Variants in UXS1 observed in about 807,000 individuals in gnomAD.
UXS1 encodes UDP-glucuronate decarboxylase 1, also known as UDP-glucuronic acid decarboxylase 1.
In UXS1, 33 loss-of-function variants were observed where a neutral mutation model predicts 62.6. That is an observed-to-expected ratio of 0.53 (90% confidence interval 0.40 to 0.70). The LOEUF is 0.70. UXS1 is among the 30% of genes least tolerant of loss of function. The pLI is 0.00. For synonymous variants in UXS1, 213 were observed against 206.8 expected (o/e 1.03, Z -0.26); for missense variants, 434 against 556.3 (o/e 0.78, Z 2.21).
At chr2:106,180,035 G>A (rs953933246) in intron 1 of UXS1, among the ~76,000 whole-genome samples, 1 of 151,774 alleles carries the variant, frequency 6.6e-6, no homozygotes, top group African/African-American at 2.4e-5. Context: ...CTTGAACCCA[G>A]GAGGCAGAGA....
chr2:106,173,404 A>G (rs180972591), intron 1 of UXS1, among the ~76,000 whole-genome samples: 8 of 152,256 alleles, frequency 5.3e-5, no homozygotes, highest in African/African-American at 1.9e-4. Context: ...AAATACAAAA[A>G]TTAGCTGGGC....
chr2:106,190,110 C>A (rs905484901), intron 1 of UXS1, among the ~76,000 whole-genome samples: 3 of 152,192 alleles, frequency 2.0e-5, no homozygotes, highest in Non-Finnish European at 4.4e-5. Flanking sequence ...ACGCGACAGA[C>A]AACTGGCAAA....
intron 6 of UXS1, among the ~76,000 whole-genome samples, chr2:106,130,226 T>C (rs1443982298): frequency 6.6e-6 from 1 of 152,062 alleles, no homozygotes; most frequent in Non-Finnish European, 1.5e-5. Context: ...GCATCCTGTA[T>C]ACATAAAACC....
rs201592621 is a variant in UXS1 at position 106,164,769 on chromosome 2, A to G, written c.153T>C (p.Asn51=). The change falls in exon 3 of 15, where the codon AAT becomes AAC. Residue 51 remains asparagine (N), a synonymous_variant. Coordinates refer to ENST00000283148, the MANE Select transcript of UXS1 (RefSeq NM_001253875.2). ...TCTTGCTTTCAATTTTTAGTTCACC[A>G]TTTTCCTGGATAGACCTGTTGAGTA... The part of the protein sequence containing the change: ...SFLLNRSIQE[N]GELKIESKIE... 2.2e-4 allele frequency: 351 copies of G among 1,591,230 alleles called. 1 individual carries two copies. The highest frequency in any genetic ancestry group is 2.8e-4 in the Non-Finnish European group (324 of 1,168,328).
At chr2:106,114,415 G>A (rs775023947) in intron 9 of UXS1, among the ~76,000 whole-genome samples, 1 of 152,206 alleles carries the variant, frequency 6.6e-6, no homozygotes. Context: ...GGGGAGCAGA[G>A]ATGCTGCTCT....
chr2:106,129,657 A>G lies in UXS1; in HGVS notation c.577+17T>C. The G allele has an allele frequency of 1.3e-6, 2 of 1,587,786 alleles. No individual in the cohort carries two copies. The highest frequency in any genetic ancestry group is 1.1e-5 in the South Asian group (1 of 88,376). ...ATTCCCAGCAACAGCCAAAAAAACA[A>G]GAAAATGACAACTTACCCAACATGT... On this transcript the variant is annotated intron_variant, in intron 7 of 14. Transcript: ENST00000283148.
chr2:106,098,898 G>A (rs1262666796), intron 12 of UXS1, 125 bp from the exon 13 acceptor site: 7 of 787,042 alleles, frequency 8.9e-6, no homozygotes, highest in Non-Finnish European at 1.5e-5. Context: ...TGCTTCAGCA[G>A]AGCTCCGTGT....
At chr2:106,094,759 C>A (rs553257528) in intron 14 of UXS1, among the ~76,000 whole-genome samples, 8 of 152,310 alleles carry the variant, frequency 5.3e-5, no homozygotes, top group African/African-American at 1.9e-4. Context: ...AGGAAACCAG[C>A]CAGATCAACT....
intron 5 of UXS1, among the ~76,000 whole-genome samples, chr2:106,151,138 T>G (rs1403482898): frequency 2.0e-5 from 3 of 152,208 alleles, no homozygotes; most frequent in Admixed American, 2.0e-4. Context: ...GAATTTGCCT[T>G]AGGATGAATC....
At chr2:106,113,433 T>A (rs1384959914) in intron 9 of UXS1, among the ~76,000 whole-genome samples, 10 of 152,240 alleles carry the variant, frequency 6.6e-5, no homozygotes, top group Non-Finnish European at 1.5e-4. Context: ...TTTTCACCTC[T>A]ATGTTCATTT....
At chr2:106,127,144 T>C (rs1680025614) in intron 7 of UXS1, among the ~76,000 whole-genome samples, 1 of 152,228 alleles carries the variant, frequency 6.6e-6, no homozygotes, top group South Asian at 2.1e-4. Flanking sequence ...CATTCACCTA[T>C]GATAGGACAT....
chr2:106,175,297 T>C (rs1056247791), intron 1 of UXS1, among the ~76,000 whole-genome samples: 2 of 152,220 alleles, frequency 1.3e-5, no homozygotes, highest in African/African-American at 4.8e-5. Context: ...CTGTTTGCTG[T>C]TCCTCTCAAG....
At chr2:106,098,366 G>A (rs1194109420) in intron 13 of UXS1, among the ~76,000 whole-genome samples, 1 of 152,202 alleles carries the variant, frequency 6.6e-6, no homozygotes, top group East Asian at 1.9e-4. Context: ...GGTGGTTGCT[G>A]TCTCTTGCTG....
At chr2:106,150,783 T>C (rs1410770420) in intron 5 of UXS1, among the ~76,000 whole-genome samples, 1 of 152,122 alleles carries the variant, frequency 6.6e-6, no homozygotes, top group African/African-American at 2.4e-5. Flanking sequence ...TACCAGCATG[T>C]AACACCAGCC....
intron 11 of UXS1, chr2:106,102,763 A>C (rs1677701211): frequency 6.6e-6 from 1 of 152,206 alleles, no homozygotes; most frequent in African/African-American, 2.4e-5. Flanking sequence ...TTCCTAAAAA[A>C]TTGCTTGTGA....
At chr2:106,117,622 G>A (rs1168635670) in intron 9 of UXS1, among the ~76,000 whole-genome samples, 1 of 152,208 alleles carries the variant, frequency 6.6e-6, no homozygotes, top group Admixed American at 6.5e-5. Context: ...CCTGAAGGAG[G>A]TGCCTGGGCA....
At chr2:106,186,426 A>G (rs1684554499) in intron 1 of UXS1, among the ~76,000 whole-genome samples, 1 of 150,868 alleles carries the variant, frequency 6.6e-6, no homozygotes, top group African/African-American at 2.4e-5. Flanking sequence ...ATTTATAGGA[A>G]AACTGCTCTG....
intron 9 of UXS1, among the ~76,000 whole-genome samples, chr2:106,122,209 G>T (rs764475040): frequency 1.4e-4 from 22 of 152,204 alleles, no homozygotes; most frequent in Non-Finnish European, 2.5e-4. Flanking sequence ...CACTATACCA[G>T]AGGGCATTTT....
chr2:106,190,088 T>A (rs188138203), intron 1 of UXS1, among the ~76,000 whole-genome samples: 1 of 152,238 alleles, frequency 6.6e-6, no homozygotes, highest in East Asian at 1.9e-4. Flanking sequence ...CTCATGAACA[T>A]CATGGGGGAA....
Sources: allele counts gnomAD v4.1 joint callset (sites outside exome capture counted in the v4.1 genomes callset), GRCh38; gene constraint gnomAD v4.1.1; transcripts MANE v1.5; gene names NCBI Gene and HGNC (gene_info 2026-07-23, HGNC 2026-07-21).